The following EYS variants were observed in gnomAD, a reference collection of about 807,000 sequenced individuals.
EYS encodes the protein EGF-like photoreceptor maintenance factor, also known as protein eyes shut homolog.
In EYS, 250 loss-of-function variants were observed where a neutral mutation model predicts 282.1. The observed-to-expected ratio is 0.89, with a 90% CI of 0.80 to 0.98. The LOEUF (loss-of-function observed/expected upper bound fraction) is 0.98. Ranked by LOEUF, EYS falls within the 50% of genes least tolerant of loss-of-function variation. EYS has a pLI of 0.00. For synonymous variants in EYS, 1,355 were observed against 1,282.9 expected (o/e 1.06, Z -1.20); for missense variants, 4,016 against 3,709.0 (o/e 1.08, Z -2.15).
chr6:65,073,532 T>C (rs1001689531), intron 12 of EYS, among the ~76,000 whole-genome samples: 1 of 151,838 alleles, frequency 6.6e-6, no homozygotes, highest in African/African-American at 2.4e-5. Flanking sequence ...GGAAAGTGTA[T>C]TGTATATAAT....
chr6:64,606,973 A>T lies in EYS; in HGVS notation c.3684+10445T>A, dbSNP rs79837216. On this transcript the variant is annotated intron_variant, in intron 24 of 42. Transcript: ENST00000503581. ...AACCAACAGGTCTTCCTTCCTACGC[A>T]TTAACTCTTTTCTTAGTTTCATTTA... 4.7e-3 allele frequency among the ~76,000 whole-genome samples: 710 copies of T among 152,136 alleles called. 1 individual carries two copies. Among genetic ancestry groups the T allele is most frequent in the Non-Finnish European group, 7.9e-3 (538 of 67,948 alleles).
chr6:65,277,454 A>T (rs1194491936), intron 12 of EYS, among the ~76,000 whole-genome samples: 2 of 94,648 alleles, frequency 2.1e-5, no homozygotes, highest in African/African-American at 3.0e-5. Flanking sequence ...TTAATTAATT[A>T]AAAAAAAAAG....
intron 29 of EYS, among the ~76,000 whole-genome samples, chr6:64,337,650 C>T (rs1202903745): frequency 6.6e-6 from 1 of 151,764 alleles, no homozygotes; most frequent in African/African-American, 2.4e-5. Context: ...TCATCTTAAT[C>T]CCAAAACCAG....
intron 30 of EYS, among the ~76,000 whole-genome samples, chr6:64,275,684 C>G (rs1178049832): frequency 2.0e-5 from 3 of 151,246 alleles, no homozygotes; most frequent in Non-Finnish European, 4.4e-5. Flanking sequence ...TGGCCAGGCG[C>G]GGTGGCTCAC....
chr6:64,671,472 T>G (rs1769460149), intron 22 of EYS, among the ~76,000 whole-genome samples: 1 of 152,108 alleles, frequency 6.6e-6, no homozygotes, highest in Admixed American at 6.5e-5. Context: ...AGCAACAAAT[T>G]TCTGTTGTTT....
chr6:64,577,121 G>C (rs937984105), intron 26 of EYS, among the ~76,000 whole-genome samples: 1 of 152,076 alleles, frequency 6.6e-6, no homozygotes, highest in African/African-American at 2.4e-5. Flanking sequence ...CTCCCCTGTA[G>C]GTTTCTGAGG....
chr6:64,939,934 C>A (rs543532065), intron 15 of EYS, among the ~76,000 whole-genome samples: 3 of 151,878 alleles, frequency 2.0e-5, no homozygotes, highest in Non-Finnish European at 4.4e-5. Flanking sequence ...GAGACAAAAC[C>A]AGGAACATCA....
chr6:63,946,657 C>A (rs1765405587), intron 35 of EYS, among the ~76,000 whole-genome samples: 2 of 149,410 alleles, frequency 1.3e-5, no homozygotes, highest in South Asian at 2.1e-4. Context: ...ACATAGTAAA[C>A]AGAGTAAAAT....
intron 36 of EYS, among the ~76,000 whole-genome samples, chr6:63,856,033 T>TA (rs1562062238): frequency 1.4e-5 from 2 of 148,080 alleles, no homozygotes; most frequent in African/African-American, 2.6e-5. Flanking sequence ...TTTTTTTTTT[T>TA]ATGTATCACA....
chr6:64,789,020 C>T (rs754213559), intron 22 of EYS, among the ~76,000 whole-genome samples: 47 of 152,126 alleles, frequency 3.1e-4, no homozygotes, highest in Non-Finnish European at 5.6e-4. Context: ...TATTCAACAA[C>T]TTATTCAATT....
At chr6:63,907,016 T>C (rs6936580) in intron 35 of EYS, among the ~76,000 whole-genome samples, 49,904 of 151,894 alleles carry the variant, frequency 0.33, 8,637 homozygotes, top group African/African-American at 0.43. Flanking sequence ...CTACTTCTTT[T>C]GACAGGAAAG....
intron 26 of EYS, among the ~76,000 whole-genome samples, chr6:64,461,717 C>A (rs1466088730): frequency 2.0e-5 from 3 of 152,082 alleles, no homozygotes; most frequent in African/African-American, 7.2e-5. Flanking sequence ...TGGATCTTTA[C>A]TCAGAAGACC....
intron 8 of EYS, among the ~76,000 whole-genome samples, chr6:65,376,074 TCA>T (rs1488967349): frequency 6.6e-6 from 1 of 152,000 alleles, no homozygotes; most frequent in Non-Finnish European, 1.5e-5. Context: ...CAAATAATTC[TCA>T]GATTCTCCAA....
chr6:64,721,155 CAAAT>C (rs1200493472), intron 22 of EYS, among the ~76,000 whole-genome samples: 1 of 152,072 alleles, frequency 6.6e-6, no homozygotes, highest in Non-Finnish European at 1.5e-5. Flanking sequence ...AAGGCTAACA[CAAAT>C]ATCTGTCTTT....
intron 29 of EYS, among the ~76,000 whole-genome samples, chr6:64,341,256 T>C (rs758596507): frequency 6.6e-6 from 1 of 151,740 alleles, no homozygotes; most frequent in Non-Finnish European, 1.5e-5. Flanking sequence ...TTGAATCATA[T>C]GTTCATTGTC....
At chr6:65,087,432 A>G (rs1261560701) in intron 12 of EYS, among the ~76,000 whole-genome samples, 1 of 152,058 alleles carries the variant, frequency 6.6e-6, no homozygotes. Context: ...ATTGTCAACA[A>G]TTCCTTACTT....
At chr6:65,148,526 G>C (rs909496709) in intron 12 of EYS, among the ~76,000 whole-genome samples, 2 of 152,114 alleles carry the variant, frequency 1.3e-5, no homozygotes, top group African/African-American at 2.4e-5. Flanking sequence ...TGCCCCTCCT[G>C]GCTGCTTTCA....
intron 2 of EYS, among the ~76,000 whole-genome samples, chr6:65,606,998 T>C (rs354396): frequency 0.78 from 117,516 of 151,506 alleles, 45,702 homozygotes; most frequent in Middle Eastern, 0.82. Flanking sequence ...AATCTAAGAA[T>C]GGGAATGAGA....
intron 26 of EYS, among the ~76,000 whole-genome samples, chr6:64,496,558 G>T (rs567429687): frequency 2.6e-4 from 40 of 151,924 alleles, no homozygotes; most frequent in Admixed American, 6.6e-4. Context: ...TTAATTCTAA[G>T]TATATCTTTC....
Sources: gnomAD v4.1 joint callset for allele counts (sites outside exome capture counted in the v4.1 genomes callset) on GRCh38, gnomAD v4.1.1 for gene constraint, MANE v1.5 for transcripts, NCBI Gene and HGNC (gene_info 2026-07-23, HGNC 2026-07-21) for gene names.